MYBL1: variants seen among roughly 807,000 people sequenced by gnomAD.
MYBL1 encodes myb-related protein A.
MYBL1 carries 17 observed loss-of-function variants against 96.3 expected under a neutral mutation model. The observed-to-expected ratio is 0.18, with a 90% CI of 0.12 to 0.26. The LOEUF (loss-of-function observed/expected upper bound fraction) is 0.26, where lower values mean the gene tolerates loss of function less well. MYBL1 is among the 10% of genes least tolerant of loss of function. The pLI is 1.00. For missense variants in MYBL1, 701 were observed against 882.9 expected (o/e 0.79, Z 2.61); for synonymous variants, 282 against 292.7 (o/e 0.96, Z 0.37).
chr8:66,601,862 T>A (rs1810087096), intron 2 of MYBL1, 93 bp from the exon 3 acceptor site: 1 of 578,974 alleles, frequency 1.7e-6, no homozygotes, highest in Non-Finnish European at 3.0e-6. Flanking sequence ...TTAAGGAATA[T>A]CTGGTAACCA....
chr8:66,609,495 C>G (rs1810445413), intron 1 of MYBL1, among the ~76,000 whole-genome samples: 1 of 151,710 alleles, frequency 6.6e-6, no homozygotes, highest in Non-Finnish European at 1.5e-5. Context: ...GAAAATTTAC[C>G]AGGTTGATTT....
intron 6 of MYBL1, among the ~76,000 whole-genome samples, chr8:66,595,292 A>G (rs1230826653): frequency 2.6e-5 from 4 of 152,204 alleles, no homozygotes. Context: ...TGGAAAGTAC[A>G]ATAGAATGTT....
chr8:66,608,440 CATAT>C (rs1225670254), intron 1 of MYBL1, among the ~76,000 whole-genome samples: 1 of 152,028 alleles, frequency 6.6e-6, no homozygotes, highest in Admixed American at 6.6e-5. Context: ...GTTATCTCTA[CATAT>C]ATATGAGTAT....
At chr8:66,593,440 T>C (rs533606714) in intron 6 of MYBL1, among the ~76,000 whole-genome samples, 1 of 152,322 alleles carries the variant, frequency 6.6e-6, no homozygotes, top group African/African-American at 2.4e-5. Context: ...AATATGAGAA[T>C]TACTTAGCCT....
intron 8 of MYBL1, among the ~76,000 whole-genome samples, chr8:66,589,318 CTTTT>C (rs201161062): frequency 7.1e-6 from 1 of 141,792 alleles, no homozygotes; most frequent in African/African-American, 2.6e-5. Flanking sequence ...TTCTTTGTGG[CTTTT>C]TTTTTTTTGA....
At chr8:66,577,837 G>A (rs1809028120) in intron 9 of MYBL1, among the ~76,000 whole-genome samples, 1 of 152,092 alleles carries the variant, frequency 6.6e-6, no homozygotes, top group African/African-American at 2.4e-5. Context: ...TATACTACAA[G>A]GCTACAGTAA....
At chr8:66,598,025 A>C (rs1431401704) in intron 4 of MYBL1, among the ~76,000 whole-genome samples, 2 of 152,078 alleles carry the variant, frequency 1.3e-5, no homozygotes, top group African/African-American at 4.8e-5. Context: ...ATTTCACCTA[A>C]AATTGCAAGA....
At chr8:66,609,152 GTCATGACT>G (rs1810431520) in intron 1 of MYBL1, among the ~76,000 whole-genome samples, 2 of 152,032 alleles carry the variant, frequency 1.3e-5, no homozygotes, top group Non-Finnish European at 2.9e-5. Context: ...GGACATGATA[GTCATGACT>G]TTGTCCGTGA....
intron 9 of MYBL1, among the ~76,000 whole-genome samples, chr8:66,577,683 C>T (rs1249384128): frequency 2.0e-5 from 3 of 152,036 alleles, no homozygotes; most frequent in African/African-American, 4.8e-5. Context: ...AGTGCCATCC[C>T]CATCAAGCTA....
chr8:66,583,065 A>G (rs756392013), intron 8 of MYBL1, among the ~76,000 whole-genome samples: 11 of 152,224 alleles, frequency 7.2e-5, no homozygotes, highest in Non-Finnish European at 1.2e-4. Flanking sequence ...TTTCATCAGC[A>G]CATTCTTCAT....
chr8:66,593,823 G>A (rs1809746069), intron 6 of MYBL1, among the ~76,000 whole-genome samples: 1 of 152,160 alleles, frequency 6.6e-6, no homozygotes, highest in Admixed American at 6.6e-5. Context: ...AGAAATATGA[G>A]AGGAGGTGTT....
chr8:66,570,970 C>G (rs966236645), intron 12 of MYBL1, among the ~76,000 whole-genome samples: 1 of 151,840 alleles, frequency 6.6e-6, no homozygotes, highest in Non-Finnish European at 1.5e-5. Flanking sequence ...TACTACGTAC[C>G]CTTTAACACA....
At position 66,564,532 on chromosome 8, in the gene MYBL1, T is replaced by C; in HGVS notation, c.*165A>G. On this transcript the variant is annotated 3_prime_UTR_variant, in exon 16 of 16. Transcript: ENST00000522677. ...ACTATGAAACTATCTACCCCTTAAG[T>C]GACTTACTAGCTTTCTGCCTACTAT... is the stretch of plus-strand genomic sequence containing the variant. 2.4e-6 allele frequency: 1 copy of C among 417,096 alleles called. No homozygotes were observed. The highest frequency in any genetic ancestry group is 4.1e-6 in the Non-Finnish European group (1 of 245,440). 25.8% of individuals were successfully genotyped at this position (417,096 alleles called of 1,614,324 possible). A position where few individuals can be genotyped will look rare whatever the true frequency, so the allele number is the denominator to read the frequency against.
At chr8:66,588,168 C>T (rs1809494138) in intron 8 of MYBL1, among the ~76,000 whole-genome samples, 1 of 151,896 alleles carries the variant, frequency 6.6e-6, no homozygotes, top group Non-Finnish European at 1.5e-5. Flanking sequence ...AACCACATAC[C>T]TTTCAGTTGG....
intron 1 of MYBL1, among the ~76,000 whole-genome samples, chr8:66,603,965 GA>G (rs111391272): frequency 0.11 from 16,517 of 145,354 alleles, 1,991 homozygotes; most frequent in African/African-American, 0.3. Context: ...CAATTCATAT[GA>G]AAAAAAAAAA....
At chr8:66,595,531 T>C (rs1809816345) in intron 6 of MYBL1, 52 bp downstream of exon 6, 2 of 1,180,700 alleles carry the variant, frequency 1.7e-6, no homozygotes, top group Admixed American at 3.6e-5. Context: ...CATCTTCCCA[T>C]ATAGCAACTT....
At chr8:66,587,746 A>C (rs557367518) in intron 8 of MYBL1, among the ~76,000 whole-genome samples, 20 of 152,372 alleles carry the variant, frequency 1.3e-4, no homozygotes, top group African/African-American at 4.6e-4. Flanking sequence ...CCAGCTGCTC[A>C]ATATGGGAGC....
Position 66,597,364 on chromosome 8 carries a change from G to T in MYBL1, c.478C>A (p.Arg160Ser). The change falls in exon 5 of 16, where the codon CGT (arginine) becomes AGT (serine). Residue 160 changes from arginine (R) to serine (S), a missense_variant. Arg to Ser is a moderately radical substitution (Grantham distance 110). Transcript: ENST00000522677. ...AGTAGTTTGGCAATTTCTGCCCAAC[G>T]ATTTCCCAACCGCTTATGTGCTTCA... ...IYEAHKRLGN[R>S]WAEIAKLLPG... The T allele has an allele frequency of 6.2e-7, 1 of 1,608,128 alleles. No homozygotes were observed. Among genetic ancestry groups the T allele is most frequent in the South Asian group, 1.1e-5 (1 of 89,844 alleles).
At position 66,599,108 on chromosome 8, in the gene MYBL1, T is replaced by A. The variant is rs1233692334; in HGVS notation, c.233A>T (p.Gln78Leu). ...TATCAATTCAGGATTTAAAACTTTCTGCCATCGATGCTGGCACTGAAAATC... is the reference window on the plus strand; with the variant it reads ...TATCAATTCAGGATTTAAAACTTTCAGCCATCGATGCTGGCACTGAAAATC... ...RSDFQCQHRWQKVLNPELIKG... is the reference protein window; with the variant it reads ...RSDFQCQHRWLKVLNPELIKG... Residue 78 changes from glutamine to leucine, a missense_variant, in exon 4 of 16, where the codon CAG becomes CTG. Gln to Leu is a moderately radical substitution (Grantham distance 113). Coordinates refer to ENST00000522677, the MANE Select transcript of MYBL1 (RefSeq NM_001080416.4). 1.9e-6 allele frequency: 3 copies of A among 1,599,502 alleles called. No homozygotes were observed. The highest frequency in any genetic ancestry group is 2.6e-6 in the Non-Finnish European group (3 of 1,174,094).
Sources: allele counts gnomAD v4.1 joint callset (sites outside exome capture counted in the v4.1 genomes callset), GRCh38; gene constraint gnomAD v4.1.1; transcripts MANE v1.5; gene names NCBI Gene and HGNC (gene_info 2026-07-23, HGNC 2026-07-21).